Variants in LSM3 observed in about 807,000 individuals in gnomAD.
LSM3 encodes the protein LSM3 homolog, U6 small nuclear RNA and mRNA degradation associated, also known as U6 snRNA-associated Sm-like protein LSm3.
In LSM3, 14 loss-of-function variants were observed where a neutral mutation model predicts 15.4. That is an observed-to-expected ratio of 0.91 (90% CI 0.60 to 1.42). The LOEUF (loss-of-function observed/expected upper bound fraction) is 1.42. Ranked by LOEUF, LSM3 falls within the 40% of genes most tolerant of loss-of-function variation. The pLI is 0.00. For missense variants in LSM3, 88 were observed against 127.9 expected (o/e 0.69, Z 1.50); for synonymous variants, 46 against 45.1 (o/e 1.02, Z -0.08).
At chr3:14,194,329 G>A (rs1212570436) in intron 3 of LSM3, among the ~76,000 whole-genome samples, 2 of 152,222 alleles carry the variant, frequency 1.3e-5, no homozygotes, top group Non-Finnish European at 2.9e-5. Context: ...AGGCAGAGAC[G>A]TTTAAGTCTG....
rs2124831595 is a variant in LSM3, at chr3:14,198,470, A to C, written c.*354A>C. On this transcript the variant is annotated 3_prime_UTR_variant, in exon 4 of 4. Coordinates refer to ENST00000306024, the MANE Select transcript of LSM3 (RefSeq NM_014463.3). ...GTCTTCTGTCTTGTGAATTATTTAA[A>C]GTAAGCATGTCTTACCTTCACTTAG... 4.0e-6 allele frequency: 1 copy of C among 248,946 alleles called. No homozygotes were observed. Among genetic ancestry groups the C allele is most frequent in the Admixed American group, 5.1e-5 (1 of 19,534 alleles). The allele number at this position is 248,946 out of a possible 1,614,324, so 15.4% of individuals were successfully genotyped here.
At chr3:14,185,974 C>G (rs1263688023) in intron 3 of LSM3, among the ~76,000 whole-genome samples, 1 of 151,648 alleles carries the variant, frequency 6.6e-6, no homozygotes, top group Non-Finnish European at 1.5e-5. Flanking sequence ...AGTGCAATGT[C>G]AGTCTCAGCT....
rs1697062270 is a variant in LSM3 at position 14,183,883 on chromosome 3, TC to T, written c.133-53del. 5 of 1,371,878 alleles carry T rather than the reference TC, an allele frequency of 3.6e-6. No individual in the cohort carries two copies. The East Asian group carries it at 9.3e-5, about 26-fold the overall frequency. 85.0% of individuals were successfully genotyped at this position (1,371,878 alleles called of 1,614,324 possible). On this transcript the variant is annotated intron_variant, in intron 2 of 3. Transcript: ENST00000306024. Reference sequence around the variant, plus strand: ...CAATTTGCATATTGTTAAGCCTTTATCATTTTTGTAATTTGATTATTAAATT... The same window carrying T: ...CAATTTGCATATTGTTAAGCCTTTATATTTTTGTAATTTGATTATTAAATT...
At chr3:14,183,299 C>T (rs1003827818) in intron 2 of LSM3, among the ~76,000 whole-genome samples, 38 of 152,216 alleles carry the variant, frequency 2.5e-4, no homozygotes, top group Admixed American at 2.5e-3. Context: ...CCAGAAAGTG[C>T]ACCTTTTAGT....
chr3:14,179,016 C>G (rs937245625), intron 1 of LSM3, 135 bp downstream of exon 1: 5 of 943,620 alleles, frequency 5.3e-6, no homozygotes, highest in African/African-American at 3.3e-5. Context: ...CTTTCCGTAA[C>G]CCCCCCTCCG....
Position 14,200,619 on chromosome 3 carries a change from G to C in LSM3, c.*2503G>C, listed in dbSNP as rs1453015218. On this transcript the variant is annotated 3_prime_UTR_variant, in exon 4 of 4. Coordinates refer to ENST00000306024, the MANE Select transcript of LSM3 (RefSeq NM_014463.3). The stretch of plus-strand genomic sequence containing the variant: ...TGAGAGGCCGATATGAATTGCCATT[G>C]CCTCCCACAAAGAAAAATGGACAAA... The C allele has an allele frequency of 6.6e-6, 1 of 152,154 alleles. No homozygotes were observed. Among genetic ancestry groups the C allele is most frequent in the Non-Finnish European group, 1.5e-5 (1 of 68,026 alleles). 9.4% of individuals were successfully genotyped at this position (152,154 alleles called of 1,614,324 possible). A position where few individuals can be genotyped will look rare whatever the true frequency, so the allele number is the denominator to read the frequency against.
At chr3:14,188,359 G>A (rs2733543) in intron 3 of LSM3, among the ~76,000 whole-genome samples, 65,721 of 151,998 alleles carry the variant, frequency 0.43, 14,717 homozygotes, top group Non-Finnish European at 0.48. Context: ...CCATATCACC[G>A]TATAGTACTT....
chr3:14,181,322 G>A (rs1697036405), intron 1 of LSM3, among the ~76,000 whole-genome samples: 1 of 152,168 alleles, frequency 6.6e-6, no homozygotes, highest in South Asian at 2.1e-4. Flanking sequence ...ATGTATGTGT[G>A]TTTTAACCTA....
intron 1 of LSM3, among the ~76,000 whole-genome samples, chr3:14,179,160 T>C (rs1299645727): frequency 6.6e-6 from 1 of 152,202 alleles, no homozygotes; most frequent in Non-Finnish European, 1.5e-5. Context: ...AGGATTCCAA[T>C]AGAAAGCCAG....
At position 14,187,486 on chromosome 3, in the gene LSM3, A is replaced by G. The variant is rs569552372; in HGVS notation, c.228+3454A>G. Among the ~76,000 whole-genome samples the G allele has an allele frequency of 2.6e-5, 4 of 152,342 alleles. No homozygotes were observed. In the South Asian group the frequency reaches 8.3e-4, roughly 32 times the overall value. On this transcript the variant is annotated intron_variant, in intron 3 of 3. Transcript: ENST00000306024. ...AGAATACTTTAGTGTGTAAATGTGT[A>G]TTAACTATAGACATAGAAAGCAAAG... is the stretch of plus-strand genomic sequence containing the variant.
chr3:14,192,245 A>G (rs1697146784), intron 3 of LSM3, among the ~76,000 whole-genome samples: 1 of 152,220 alleles, frequency 6.6e-6, no homozygotes, highest in Non-Finnish European at 1.5e-5. Flanking sequence ...TGCTGAGAAG[A>G]ATGTGTATTC....
chr3:14,181,760 T>G, intron 2 of LSM3, 90 bp downstream of exon 2: 2 of 927,324 alleles, frequency 2.2e-6, no homozygotes, highest in Non-Finnish European at 3.5e-6. Flanking sequence ...TGAAAGGGTA[T>G]TTTGAAGGAA....
intron 3 of LSM3, among the ~76,000 whole-genome samples, chr3:14,197,692 G>A (rs942630601): frequency 1.3e-4 from 20 of 152,228 alleles, no homozygotes; most frequent in African/African-American, 3.6e-4. Flanking sequence ...CTGCAGAGGG[G>A]CATTCTGGGT....
chr3:14,193,920 T>G (rs1016195266), intron 3 of LSM3, among the ~76,000 whole-genome samples: 2 of 152,244 alleles, frequency 1.3e-5, no homozygotes, highest in African/African-American at 4.8e-5. Flanking sequence ...TGTGGATTTA[T>G]CTACCTCTAG....
intron 3 of LSM3, among the ~76,000 whole-genome samples, chr3:14,197,467 T>C (rs1697196824): frequency 6.6e-6 from 1 of 152,234 alleles, no homozygotes; most frequent in Admixed American, 6.5e-5. Context: ...ATCCATTCCA[T>C]ATGTGTGACC....
At chr3:14,186,150 G>A (rs1331397955) in intron 3 of LSM3, among the ~76,000 whole-genome samples, 1 of 152,182 alleles carries the variant, frequency 6.6e-6, no homozygotes, top group Admixed American at 6.5e-5. Context: ...GCCTCCCAAA[G>A]TGCTGGAATT....
Position 14,199,467 on chromosome 3 carries a change from C to T in LSM3, c.*1351C>T, listed in dbSNP as rs1286108127. 6.6e-6 allele frequency: 1 copy of T among 152,172 alleles called. No individual in the cohort carries two copies. Among genetic ancestry groups the T allele is most frequent in the Non-Finnish European group, 1.5e-5 (1 of 68,034 alleles). 9.4% of individuals were successfully genotyped at this position (152,172 alleles called of 1,614,324 possible). ...TGTTCATTATCAAGCACGATATGCT[C>T]ACAAATGCACAGTACTTTAAGCCTT... is the stretch of plus-strand genomic sequence containing the variant. On this transcript the variant is annotated 3_prime_UTR_variant, in exon 4 of 4. Coordinates refer to ENST00000306024, the MANE Select transcript of LSM3 (RefSeq NM_014463.3).
intron 3 of LSM3, among the ~76,000 whole-genome samples, chr3:14,191,196 T>G (rs937582072): frequency 6.6e-6 from 1 of 152,188 alleles, no homozygotes; most frequent in Non-Finnish European, 1.5e-5. Flanking sequence ...AGTATTTTAT[T>G]GAGGATTTTT....
intron 1 of LSM3, among the ~76,000 whole-genome samples, chr3:14,180,786 C>T (rs912930264): frequency 2.7e-5 from 4 of 146,142 alleles, no homozygotes; most frequent in East Asian, 2.1e-4. Context: ...GAGTTGAACC[C>T]GGACTGCCTG....
Sources: gnomAD v4.1 joint callset for allele counts (sites outside exome capture counted in the v4.1 genomes callset) on GRCh38, gnomAD v4.1.1 for gene constraint, MANE v1.5 for transcripts, NCBI Gene and HGNC (gene_info 2026-07-23, HGNC 2026-07-21) for gene names.